The following PID1 variants were observed in gnomAD, a reference collection of about 807,000 sequenced individuals.
The protein encoded by PID1 is phosphotyrosine interaction domain containing 1, also known as PTB-containing, cubilin and LRP1-interacting protein.
In PID1, 10 loss-of-function variants were observed where a neutral mutation model predicts 19.1. The observed-to-expected ratio is 0.52, with a 90% confidence interval of 0.32 to 0.89. The LOEUF is 0.89. PID1 is among the 40% of genes least tolerant of loss of function. The probability of loss-of-function intolerance (pLI) is 0.03; values close to 1 mark genes in which losing one functional copy is unlikely to be tolerated. For missense variants in PID1, 248 were observed against 285.3 expected (o/e 0.87, Z 0.94); for synonymous variants, 130 against 116.0 (o/e 1.12, Z -0.78).
chr2:229,067,894 G>T (rs1264906682), intron 2 of PID1, among the ~76,000 whole-genome samples: 2 of 152,164 alleles, frequency 1.3e-5, no homozygotes, highest in Non-Finnish European at 2.9e-5. Context: ...TGCATTCTGT[G>T]CAATGGGGGC....
intron 2 of PID1, among the ~76,000 whole-genome samples, chr2:229,045,235 A>G (rs1267250398): frequency 2.0e-5 from 3 of 152,368 alleles, no homozygotes; most frequent in African/African-American, 7.2e-5. Flanking sequence ...ATTACAGGCC[A>G]AAAGCCACTG....
Position 229,197,168 on chromosome 2 carries a change from A to T in PID1, c.31-41204T>A, listed in dbSNP as rs113977556. Among the ~76,000 whole-genome samples, 1,142 of 152,208 alleles carry T rather than the reference A, an allele frequency of 7.5e-3. 5 individuals carry two copies. Among genetic ancestry groups the T allele is most frequent in the Non-Finnish European group, 0.012 (816 of 67,968 alleles). On this transcript the variant is annotated intron_variant, in intron 1 of 2. Coordinates refer to ENST00000392055, the MANE Select transcript of PID1 (RefSeq NM_001100818.2). ...ACAAATAATACTATGAGATACTAAC[A>T]AGCCACTTTCCATAACTGAGAAATG...
At chr2:229,070,686 C>A (rs1422826302) in intron 2 of PID1, among the ~76,000 whole-genome samples, 1 of 151,996 alleles carries the variant, frequency 6.6e-6, no homozygotes, top group African/African-American at 2.4e-5. Flanking sequence ...TCTGGGGGAG[C>A]AGGAGAGGCA....
chr2:229,060,143 T>C (rs891792949), intron 2 of PID1, among the ~76,000 whole-genome samples: 4 of 152,168 alleles, frequency 2.6e-5, no homozygotes, highest in African/African-American at 9.6e-5. Flanking sequence ...ATTTAAAGTC[T>C]ACTTTTTTAG....
intron 2 of PID1, among the ~76,000 whole-genome samples, chr2:229,133,931 A>C (rs13022476): frequency 0.79 from 119,975 of 151,126 alleles, 47,773 homozygotes; most frequent in East Asian, 1. Context: ...TATCCCTCCC[A>C]CCTCCCTGAG....
chr2:229,151,935 G>A (rs1049025890), intron 2 of PID1, among the ~76,000 whole-genome samples: 1 of 152,152 alleles, frequency 6.6e-6, no homozygotes, highest in African/African-American at 2.4e-5. Context: ...GGACATCAGT[G>A]AATGGCCCTG....
intron 2 of PID1, among the ~76,000 whole-genome samples, chr2:229,050,448 A>G (rs1330134583): frequency 6.6e-6 from 1 of 152,126 alleles, no homozygotes; most frequent in East Asian, 1.9e-4. Context: ...ACATCTGGAG[A>G]GTGTTTTCGA....
At chr2:229,192,037 A>AAC (rs1346542161) in intron 1 of PID1, among the ~76,000 whole-genome samples, 1 of 152,166 alleles carries the variant, frequency 6.6e-6, no homozygotes, top group Non-Finnish European at 1.5e-5. Flanking sequence ...AGTGATAATG[A>AAC]ACACACACTA....
At chr2:229,145,998 A>T (rs1370340492) in intron 2 of PID1, among the ~76,000 whole-genome samples, 2 of 152,236 alleles carry the variant, frequency 1.3e-5, no homozygotes, top group Non-Finnish European at 2.9e-5. Context: ...AATTCCAAGG[A>T]AATAATTTTC....
At chr2:229,146,114 T>C in intron 2 of PID1, among the ~76,000 whole-genome samples, 1 of 152,204 alleles carries the variant, frequency 6.6e-6, no homozygotes, top group Non-Finnish European at 1.5e-5. Context: ...CATTCTTTTT[T>C]GTGGCTGCAT....
chr2:229,033,065 G>A (rs913526916), intron 2 of PID1, among the ~76,000 whole-genome samples: 6 of 152,110 alleles, frequency 3.9e-5, no homozygotes, highest in Non-Finnish European at 8.8e-5. Flanking sequence ...TTGGTTGCCC[G>A]ACATTTATCC....
chr2:229,086,916 C>CACAG (rs1694779236), intron 2 of PID1, among the ~76,000 whole-genome samples: 1 of 150,198 alleles, frequency 6.7e-6, no homozygotes, highest in Admixed American at 6.6e-5. Flanking sequence ...TGTGTACACA[C>CACAG]ACACACACAC....
At chr2:229,108,258 A>C (rs1475295883) in intron 2 of PID1, among the ~76,000 whole-genome samples, 1 of 152,176 alleles carries the variant, frequency 6.6e-6, no homozygotes, top group African/African-American at 2.4e-5. Context: ...CTGTGGCTTT[A>C]ATGTATTTTT....
Position 229,271,226 on chromosome 2 carries a change from T to C in PID1, c.-183A>G. The C allele has an allele frequency of 1.8e-6, 1 of 544,660 alleles. No homozygotes were observed. The highest frequency in any genetic ancestry group is 3.1e-6 in the Non-Finnish European group (1 of 322,506). The allele number at this position is 544,660 out of a possible 1,614,324, so 33.7% of individuals were successfully genotyped here. Reference sequence around the variant, plus strand: ...AGCAGGAGGAGGCGCGGCGCTCAGCTGCCGGCAACTTGTGGGCACGGCCGC... The same window carrying C: ...AGCAGGAGGAGGCGCGGCGCTCAGCCGCCGGCAACTTGTGGGCACGGCCGC... On this transcript the variant is annotated 5_prime_UTR_variant, in exon 1 of 3. Transcript: ENST00000392055.
rs571178869 is a variant in PID1 at position 229,054,786 on chromosome 2, G to T, written c.178-28678C>A. Among the ~76,000 whole-genome samples, 7 of 147,456 alleles carry T rather than the reference G, an allele frequency of 4.7e-5. No homozygotes were observed. In the South Asian group the frequency reaches 1.5e-3, roughly 32 times the overall value. ...ACTTCAATATTCCTGACCTATCAGTGAATCTGCTTTTTGGATTTTCCTTGA... is the reference window on the plus strand; with the variant it reads ...ACTTCAATATTCCTGACCTATCAGTTAATCTGCTTTTTGGATTTTCCTTGA... On this transcript the variant is annotated intron_variant, in intron 2 of 2. Transcript: ENST00000392055.
intron 1 of PID1, among the ~76,000 whole-genome samples, chr2:229,180,424 G>GA (rs879393500): frequency 7.4e-4 from 112 of 150,752 alleles, no homozygotes; most frequent in Admixed American, 2.0e-3. Flanking sequence ...CTTTAGGAAG[G>GA]AAAAAAAAAG....
chr2:229,187,118 G>A (rs556878595), intron 1 of PID1, among the ~76,000 whole-genome samples: 23 of 152,158 alleles, frequency 1.5e-4, no homozygotes, highest in African/African-American at 4.8e-4. Flanking sequence ...CTTATTGTTC[G>A]TATCACTATC....
At chr2:229,142,442 A>G (rs927195049) in intron 2 of PID1, among the ~76,000 whole-genome samples, 4 of 152,166 alleles carry the variant, frequency 2.6e-5, no homozygotes, top group African/African-American at 9.7e-5. Context: ...TTCAGTCGTA[A>G]ATGGAAAGGA....
At chr2:229,037,487 T>C (rs995728278) in intron 2 of PID1, among the ~76,000 whole-genome samples, 2 of 152,162 alleles carry the variant, frequency 1.3e-5, no homozygotes, top group Non-Finnish European at 2.9e-5. Flanking sequence ...CATTTTGCAC[T>C]TACCAAGCAG....
Sources: gnomAD v4.1 joint callset for allele counts (sites outside exome capture counted in the v4.1 genomes callset) on GRCh38, gnomAD v4.1.1 for gene constraint, MANE v1.5 for transcripts, NCBI Gene and HGNC (gene_info 2026-07-23, HGNC 2026-07-21) for gene names.